Variants in LGR6 observed in about 807,000 individuals in gnomAD.
The protein encoded by LGR6 is leucine rich repeat containing G protein-coupled receptor 6.
LGR6 carries 45 observed loss-of-function variants against 69.4 expected under a neutral mutation model. The ratio of observed to expected loss-of-function variants is 0.65; its 90% CI spans 0.51 to 0.83. The LOEUF is 0.83. Ranked by LOEUF, LGR6 falls within the 40% of genes least tolerant of loss-of-function variation. LGR6 has a pLI of 0.00. For missense variants in LGR6, 1,108 were observed against 1,246.7 expected (o/e 0.89, Z 1.68); for synonymous variants, 538 against 555.0 (o/e 0.97, Z 0.43).
At chr1:202,250,308 T>C (rs1490345232) in intron 4 of LGR6, among the ~76,000 whole-genome samples, 3 of 152,192 alleles carry the variant, frequency 2.0e-5, no homozygotes, top group South Asian at 4.1e-4. Context: ...TATTCTCTTA[T>C]TTCATCCTGT....
intron 4 of LGR6, among the ~76,000 whole-genome samples, chr1:202,246,786 A>G (rs971062487): frequency 1.3e-5 from 2 of 152,338 alleles, no homozygotes; most frequent in Non-Finnish European, 2.9e-5. Flanking sequence ...TCATATTGGT[A>G]GTTAATGTTT....
At chr1:202,247,294 A>AT (rs1662791799) in intron 4 of LGR6, among the ~76,000 whole-genome samples, 1 of 152,204 alleles carries the variant, frequency 6.6e-6, no homozygotes, top group Non-Finnish European at 1.5e-5. Flanking sequence ...CAGATTCTGC[A>AT]TTTTAACAGG....
At position 202,319,388 on chromosome 1, in the gene LGR6, G is replaced by GTATAAGA; in HGVS notation, c.*181_*182insTATAAGA. On this transcript the variant is annotated 3_prime_UTR_variant, in exon 18 of 18. Transcript: ENST00000367278. ...TGACCATCACCAACGGGTGCCTCTTGGCCTGGCTTTCCCTTGGCCTTCCTC... is the reference window on the plus strand; with the variant it reads ...TGACCATCACCAACGGGTGCCTCTTGTATAAGAGCCTGGCTTTCCCTTGGCCTTCCTC... The GTATAAGA allele has an allele frequency of 1.7e-6, 1 of 594,046 alleles. No individual in the cohort carries two copies. Among genetic ancestry groups the GTATAAGA allele is most frequent in the Non-Finnish European group, 2.7e-6 (1 of 367,758 alleles). 36.8% of individuals were successfully genotyped at this position (594,046 alleles called of 1,614,324 possible).
At chr1:202,232,058 G>A (rs972277814) in intron 3 of LGR6, among the ~76,000 whole-genome samples, 7 of 150,746 alleles carry the variant, frequency 4.6e-5, no homozygotes, top group Admixed American at 3.3e-4. Flanking sequence ...TGAGAGTTGC[G>A]CCATTGCACT....
intron 12 of LGR6, chr1:202,306,630 C>T (rs930781808): frequency 7.2e-6 from 4 of 556,950 alleles, no homozygotes; most frequent in Non-Finnish European, 1.3e-5. Flanking sequence ...ACACTGGAAG[C>T]TGACTCCCTT....
At chr1:202,243,792 T>C (rs1260956128) in intron 4 of LGR6, among the ~76,000 whole-genome samples, 1 of 152,144 alleles carries the variant, frequency 6.6e-6, no homozygotes, top group African/African-American at 2.4e-5. Flanking sequence ...TGCATGAATT[T>C]GGAGATTTTT....
intron 4 of LGR6, among the ~76,000 whole-genome samples, chr1:202,256,246 T>A (rs940388088): frequency 5.3e-5 from 8 of 152,188 alleles, no homozygotes; most frequent in South Asian, 2.1e-4. Context: ...TTATTTTTTT[T>A]AATTTTTTTA....
intron 4 of LGR6, among the ~76,000 whole-genome samples, chr1:202,271,423 A>G (rs966555118): frequency 3.9e-5 from 6 of 152,094 alleles, no homozygotes; most frequent in South Asian, 2.1e-4. Context: ...GGGAGATAGT[A>G]AGAGGGGTTG....
Position 202,304,646 on chromosome 1 carries a change from A to T in LGR6, c.1070+16A>T. The stretch of plus-strand genomic sequence containing the variant: ...TCCGAGTCCTGTGAGTGCTCACAAG[A>T]ATTCTACAGTCTTGGCATTGTGCCC... On this transcript the variant is annotated intron_variant, in intron 11 of 17. Coordinates refer to ENST00000367278, the MANE Select transcript of LGR6 (RefSeq NM_001017403.2). 1 of 1,600,208 alleles carries T rather than the reference A, an allele frequency of 6.2e-7. No individual in the cohort carries two copies. Among genetic ancestry groups the T allele is most frequent in the Non-Finnish European group, 8.6e-7 (1 of 1,168,842 alleles).
intron 1 of LGR6, 51 bp from the exon 2 acceptor site, chr1:202,225,372 A>G (rs1660441055): frequency 6.5e-7 from 1 of 1,549,916 alleles, no homozygotes. Flanking sequence ...ACAGTGCCAG[A>G]TGGCCCAAGT....
intron 4 of LGR6, among the ~76,000 whole-genome samples, chr1:202,260,990 T>G (rs1220341447): frequency 6.6e-6 from 1 of 152,156 alleles, no homozygotes; most frequent in Admixed American, 6.5e-5. Context: ...TTTGCCAGAA[T>G]GTGTTGAGGT....
At chr1:202,200,652 G>A (rs962980857) in intron 1 of LGR6, among the ~76,000 whole-genome samples, 2 of 152,160 alleles carry the variant, frequency 1.3e-5, no homozygotes, top group African/African-American at 4.8e-5. Context: ...TCTGAGAATC[G>A]TGGGGTCCCC....
intron 4 of LGR6, among the ~76,000 whole-genome samples, chr1:202,238,846 G>A (rs1257384136): frequency 6.6e-6 from 1 of 152,036 alleles, no homozygotes; most frequent in Non-Finnish European, 1.5e-5. Context: ...AACAGCACAC[G>A]CTGCAAAGGC....
intron 4 of LGR6, among the ~76,000 whole-genome samples, chr1:202,269,907 C>T (rs185974561): frequency 8.5e-5 from 13 of 152,242 alleles, no homozygotes; most frequent in African/African-American, 1.9e-4. Flanking sequence ...GAGCTTTGCA[C>T]GAGTGATTGC....
intron 1 of LGR6, among the ~76,000 whole-genome samples, chr1:202,202,539 C>T (rs1038716228): frequency 6.6e-6 from 1 of 152,256 alleles, no homozygotes; most frequent in Non-Finnish European, 1.5e-5. Context: ...CCAGCTATGG[C>T]TATATGTTTC....
In LGR6 at chr1:202,306,849, G is replaced by T; in HGVS notation, c.1137-19G>T. The T allele has an allele frequency of 6.2e-7, 1 of 1,613,380 alleles. No individual in the cohort carries two copies. ...GGGTCTGAGCCTGCCGGCTCATCCAGCCTCTCTTGCTGCCCTAGCGGCCTC... is the reference window on the plus strand; with the variant it reads ...GGGTCTGAGCCTGCCGGCTCATCCATCCTCTCTTGCTGCCCTAGCGGCCTC... On this transcript the variant is annotated intron_variant, in intron 12 of 17. Coordinates refer to ENST00000367278, the MANE Select transcript of LGR6 (RefSeq NM_001017403.2).
intron 1 of LGR6, among the ~76,000 whole-genome samples, chr1:202,202,137 G>T (rs1658860647): frequency 6.6e-6 from 1 of 152,152 alleles, no homozygotes; most frequent in African/African-American, 2.4e-5. Context: ...TTAACTCAGG[G>T]CCAGGAGAAG....
At position 202,276,452 on chromosome 1, in the gene LGR6, C is replaced by T; in HGVS notation, c.575C>T (p.Thr192Ile). 5 of 1,614,216 alleles carry T rather than the reference C, an allele frequency of 3.1e-6. No individual in the cohort carries two copies. Among genetic ancestry groups the T allele is most frequent in the Non-Finnish European group, 3.4e-6 (4 of 1,180,036 alleles). Reference protein sequence around the residue: ...LNNLPALQAMTLALNRISHIP... With the variant: ...LNNLPALQAMILALNRISHIP... The stretch of plus-strand genomic sequence containing the variant: ...AACCTCCCTGCCCTGCAGGCCATGA[C>T]CCTGGCCCTCAACCGCATCAGCCAC... Residue 192 changes from threonine (T) to isoleucine (I), a missense_variant, in exon 5 of 18, where the codon ACC becomes ATC. Physicochemically the swap from Thr to Ile is moderately conservative, Grantham distance 89 (BLOSUM62 -1). Transcript: ENST00000367278.
intron 1 of LGR6, chr1:202,203,788 TG>T: frequency 1.2e-6 from 2 of 1,613,654 alleles, no homozygotes; most frequent in Middle Eastern, 1.7e-4. Context: ...GAAAGGCGGT[TG>T]TGGTGCAAAG....
Sources: gnomAD v4.1 joint callset for allele counts (sites outside exome capture counted in the v4.1 genomes callset) on GRCh38, gnomAD v4.1.1 for gene constraint, MANE v1.5 for transcripts, NCBI Gene and HGNC (gene_info 2026-07-23, HGNC 2026-07-21) for gene names.